Variants in WDR19 observed in about 807,000 individuals in gnomAD.
WDR19 encodes the protein WD repeat-containing protein 19.
In WDR19, 121 loss-of-function variants were observed where a neutral mutation model predicts 180.0. The observed-to-expected ratio is 0.67, with a 90% CI of 0.58 to 0.78. The LOEUF (loss-of-function observed/expected upper bound fraction) is 0.78, where lower values mean the gene tolerates loss of function less well. Among genes scored for constraint, WDR19 ranks in the 30% least tolerant of loss-of-function variants. The pLI is 0.00. For missense variants in WDR19, 1,450 were observed against 1,640.7 expected, an observed-to-expected ratio of 0.88 and a Z score of 2.01; for synonymous variants, 497 against 540.7, an observed-to-expected ratio of 0.92 and a Z score of 1.12.
At chr4:39,260,135 G>A (rs1578015998) in intron 28 of WDR19, among the ~76,000 whole-genome samples, 1 of 151,654 alleles carries the variant, frequency 6.6e-6, no homozygotes, top group Non-Finnish European at 1.5e-5. Context: ...AAGAAAATGG[G>A]TCATTTATCC....
Position 39,285,665 on chromosome 4 carries a change from C to CTT in WDR19, c.*194_*195dup, listed in dbSNP as rs1247611576. On this transcript the variant is annotated 3_prime_UTR_variant, in exon 37 of 37. Coordinates refer to ENST00000399820, the MANE Select transcript of WDR19 (RefSeq NM_025132.4). The stretch of plus-strand genomic sequence containing the variant: ...ACATGTAACCTTGCTGTTTATTGTA[C>CTT]TTTGTATATTATTTCCTCTTCAAAG... The CTT allele has an allele frequency of 6.6e-6, 1 of 152,174 alleles. No individual in the cohort carries two copies. The highest frequency in any genetic ancestry group is 6.5e-5 in the Admixed American group (1 of 15,270). 9.4% of individuals were successfully genotyped at this position (152,174 alleles called of 1,614,324 possible).
At position 39,215,732 on chromosome 4, in the gene WDR19, A is replaced by G. The variant is rs3733287; in HGVS notation, c.962-109A>G. 0.54 allele frequency: 642,698 copies of G among 1,180,220 alleles called. 182,734 individuals carry two copies. The highest frequency in any genetic ancestry group is 0.63 in the East Asian group (23,294 of 36,964). 73.1% of individuals were successfully genotyped at this position (1,180,220 alleles called of 1,614,324 possible). On this transcript the variant is annotated intron_variant, in intron 10 of 36. Transcript: ENST00000399820. ...AAAAAACTACTTAAACTAGTAAGGAAAATATTTGAAAATTGTTATGTCTCT... is the reference window on the plus strand; with the variant it reads ...AAAAAACTACTTAAACTAGTAAGGAGAATATTTGAAAATTGTTATGTCTCT...
chr4:39,270,462 G>T (rs929796160), intron 31 of WDR19, among the ~76,000 whole-genome samples: 12 of 152,226 alleles, frequency 7.9e-5, no homozygotes, highest in Admixed American at 2.6e-4. Flanking sequence ...TGCAACCTCT[G>T]CCTCCCAGGT....
rs370649765 is a variant in WDR19 at position 39,228,226 on chromosome 4, A to G, written c.1646A>G (p.Tyr549Cys). 7 of 1,612,872 alleles carry G rather than the reference A, an allele frequency of 4.3e-6. No homozygotes were observed. The African/African-American group carries it at 8.0e-5, about 18-fold the overall frequency. Residue 549 changes from tyrosine to cysteine, a missense_variant, in exon 16 of 37, where the codon TAT becomes TGT. Tyr to Cys is a radical substitution (Grantham distance 194). Coordinates refer to ENST00000399820, the MANE Select transcript of WDR19 (RefSeq NM_025132.4). Reference protein sequence around the residue: ...FVYCPVNDATYEIPDFSPTIK... With the variant: ...FVYCPVNDATCEIPDFSPTIK... ...ATTTTGTAGGTCAATGACGCTACCT[A>G]TGAGATTCCAGATTTTTCACCAACC...
intron 4 of WDR19, among the ~76,000 whole-genome samples, chr4:39,190,396 G>A (rs1301613074): frequency 2.0e-5 from 3 of 152,214 alleles, no homozygotes; most frequent in African/African-American, 7.2e-5. Flanking sequence ...ACAGATATCT[G>A]CTAAAAGAGA....
chr4:39,195,652 C>T (rs1272570186), intron 5 of WDR19, among the ~76,000 whole-genome samples: 1 of 152,146 alleles, frequency 6.6e-6, no homozygotes. Context: ...ATTGTAACAT[C>T]ATTGTGATGA....
At chr4:39,218,303 T>C (rs1577906844) in intron 14 of WDR19, 198 bp downstream of exon 14, 1 of 698,230 alleles carries the variant, frequency 1.4e-6, no homozygotes, top group Admixed American at 3.0e-5. Context: ...CATTGGGCAA[T>C]TTCATCATTG....
intron 9 of WDR19, among the ~76,000 whole-genome samples, chr4:39,206,695 A>G (rs941493013): frequency 6.6e-6 from 1 of 152,226 alleles, no homozygotes; most frequent in Non-Finnish European, 1.5e-5. Context: ...TATCCTAAAC[A>G]TATACCAAAG....
intron 24 of WDR19, among the ~76,000 whole-genome samples, chr4:39,249,789 A>G (rs996614425): frequency 3.3e-5 from 5 of 152,200 alleles, no homozygotes; most frequent in African/African-American, 1.2e-4. Context: ...CCCAAGACTA[A>G]ATCAGGAAGA....
chr4:39,281,230 T>TAGAGAGAGAGAG (rs796659495), intron 36 of WDR19, among the ~76,000 whole-genome samples: 42 of 97,158 alleles, frequency 4.3e-4, no homozygotes, highest in African/African-American at 1.9e-3. Context: ...TATATATATA[T>TAGAGAGAGAGAG]ATATATAGAG....
chr4:39,199,454 G>T, intron 5 of WDR19, 24 bp from the exon 6 acceptor site: 1 of 1,580,384 alleles, frequency 6.3e-7, no homozygotes, highest in South Asian at 1.1e-5. Flanking sequence ...CCACATGTCT[G>T]TATAAAAATA....
chr4:39,274,135 T>C (rs1735668322), intron 32 of WDR19: 1 of 152,202 alleles, frequency 6.6e-6, no homozygotes, highest in Non-Finnish European at 1.5e-5. Flanking sequence ...TTTTCAACCA[T>C]TTAAAAATGT....
intron 5 of WDR19, among the ~76,000 whole-genome samples, chr4:39,195,357 A>G (rs1364198366): frequency 1.5e-5 from 2 of 132,936 alleles, no homozygotes; most frequent in Non-Finnish European, 3.3e-5. Context: ...ACAGAGTGAG[A>G]CTTCATCTCA....
At chr4:39,207,727 A>G (rs918211272) in intron 9 of WDR19, among the ~76,000 whole-genome samples, 3 of 152,214 alleles carry the variant, frequency 2.0e-5, no homozygotes, top group Non-Finnish European at 2.9e-5. Flanking sequence ...CTTGCTCTCT[A>G]AAAGAACTGC....
At chr4:39,202,702 C>A (rs988759161) in intron 6 of WDR19, among the ~76,000 whole-genome samples, 3 of 147,646 alleles carry the variant, frequency 2.0e-5, no homozygotes, top group Non-Finnish European at 4.5e-5. Flanking sequence ...AAAAAAAAAA[C>A]TGCCTGAACT....
intron 3 of WDR19, among the ~76,000 whole-genome samples, chr4:39,188,278 T>C (rs1010423955): frequency 1.3e-5 from 2 of 152,008 alleles, no homozygotes; most frequent in African/African-American, 4.8e-5. Context: ...AATATTTTTA[T>C]TAAGGATTTA....
At chr4:39,265,125 G>C (rs1734663918) in intron 28 of WDR19, among the ~76,000 whole-genome samples, 1 of 151,710 alleles carries the variant, frequency 6.6e-6, no homozygotes, top group Non-Finnish European at 1.5e-5. Flanking sequence ...CGTCATGTTG[G>C]CCAGGCTGGT....
intron 17 of WDR19, 135 bp from the exon 18 acceptor site, chr4:39,231,662 T>G (rs1337219994): frequency 1.4e-6 from 1 of 704,144 alleles, no homozygotes; most frequent in Non-Finnish European, 2.1e-6. Context: ...TCATTACTTG[T>G]AAATGACAAT....
chr4:39,275,550 A>G (rs1735814367), intron 33 of WDR19, among the ~76,000 whole-genome samples: 1 of 152,122 alleles, frequency 6.6e-6, no homozygotes, highest in Non-Finnish European at 1.5e-5. Context: ...TTTCCTCTTC[A>G]TGGTGGCAAG....
Sources: allele counts gnomAD v4.1 joint callset (sites outside exome capture counted in the v4.1 genomes callset), GRCh38; gene constraint gnomAD v4.1.1; transcripts MANE v1.5; gene names NCBI Gene and HGNC (gene_info 2026-07-23, HGNC 2026-07-21).